The following GSE1 variants were observed in gnomAD, a reference collection of about 807,000 sequenced individuals.
GSE1 encodes genetic suppressor element 1.
A neutral mutation model predicts 112.6 loss-of-function variants in GSE1; 32 were observed. The ratio of observed to expected loss-of-function variants is 0.28; its 90% CI spans 0.21 to 0.38. The LOEUF is 0.38. Ranked by LOEUF, GSE1 falls within the 10% of genes least tolerant of loss-of-function variation. The pLI, the probability that GSE1 is intolerant of heterozygous loss-of-function variation, is 1.00. For missense variants in GSE1, 2,348 were observed against 1,699.2 expected (o/e 1.38, Z -6.71); for synonymous variants, 1,115 against 735.6 (o/e 1.52, Z -8.35).
At chr16:85,205,252 C>G (rs925547962) in intron 1 of GSE1, among the ~76,000 whole-genome samples, 3 of 152,114 alleles carry the variant, frequency 2.0e-5, no homozygotes, top group African/African-American at 7.2e-5. Context: ...CTGCCTCAAC[C>G]TCCCGAGTAG....
At chr16:85,486,133 G>C (rs905701464) in intron 2 of GSE1, among the ~76,000 whole-genome samples, 1 of 152,124 alleles carries the variant, frequency 6.6e-6, no homozygotes, top group African/African-American at 2.4e-5. Flanking sequence ...TGCAGCTTCT[G>C]TCCTCACCTC....
At chr16:85,337,790 C>T (rs908571509) in intron 1 of GSE1, among the ~76,000 whole-genome samples, 1 of 152,266 alleles carries the variant, frequency 6.6e-6, no homozygotes, top group Non-Finnish European at 1.5e-5. Flanking sequence ...GCTGCCACAC[C>T]TGGCGTCTGA....
chr16:85,640,328 T>C (rs1447176646), intron 2 of GSE1, among the ~76,000 whole-genome samples: 1 of 152,176 alleles, frequency 6.6e-6, no homozygotes, highest in Non-Finnish European at 1.5e-5. Flanking sequence ...TGTTGGCCGC[T>C]GTGTTACCTG....
chr16:85,246,237 ACGCACAC>A (rs1567635793), intron 1 of GSE1, among the ~76,000 whole-genome samples: 41 of 108,348 alleles, frequency 3.8e-4, no homozygotes, highest in African/African-American at 1.1e-3. Flanking sequence ...ACACACACAC[ACGCACAC>A]CACACGCTGT....
At chr16:85,403,083 A>T (rs990393530) in intron 2 of GSE1, among the ~76,000 whole-genome samples, 2 of 42,736 alleles carry the variant, frequency 4.7e-5, no homozygotes, top group Non-Finnish European at 2.4e-4. Flanking sequence ...GCCCTCTCCC[A>T]TGGTTGCTGG....
chr16:85,318,484 C>G (rs574877844), intron 1 of GSE1, among the ~76,000 whole-genome samples: 1 of 152,304 alleles, frequency 6.6e-6, no homozygotes, highest in South Asian at 2.1e-4. Context: ...AGGCTGGTCT[C>G]AAACTCCTGG....
At chr16:85,414,945 TTTTA>T (rs2048670354) in intron 2 of GSE1, among the ~76,000 whole-genome samples, 1 of 152,146 alleles carries the variant, frequency 6.6e-6, no homozygotes, top group African/African-American at 2.4e-5. Flanking sequence ...CTGATTTTAT[TTTTA>T]TTTATTTACT....
Position 85,388,692 on chromosome 16 carries a change from G to A in GSE1, c.2464+31049G>A, listed in dbSNP as rs769131275. On this transcript the variant is annotated intron_variant, in intron 2 of 2. Coordinates refer to the GSE1 transcript ENST00000637419. Reference sequence around the variant, plus strand: ...GATGGATGGATGGGTAGATGGGTGAGTAGATGGATGGATGGGTGGATGAGT... The same window carrying A: ...GATGGATGGATGGGTAGATGGGTGAATAGATGGATGGATGGGTGGATGAGT... 8.0e-4 allele frequency among the ~76,000 whole-genome samples: 122 copies of A among 151,610 alleles called. 1 individual carries two copies. The highest frequency in any genetic ancestry group is 1.5e-3 in the Non-Finnish European group (102 of 67,844).
intron 2 of GSE1, among the ~76,000 whole-genome samples, chr16:85,382,251 C>T (rs927722607): frequency 2.0e-5 from 3 of 152,200 alleles, no homozygotes; most frequent in Non-Finnish European, 4.4e-5. Context: ...TTCTCCAGCC[C>T]GCCCTTATCT....
chr16:85,523,599 C>T (rs931699335), intron 2 of GSE1, among the ~76,000 whole-genome samples: 17 of 152,284 alleles, frequency 1.1e-4, no homozygotes, highest in African/African-American at 4.1e-4. Context: ...TGGCCCCAGC[C>T]GTGGGGGCTG....
intron 1 of GSE1, among the ~76,000 whole-genome samples, chr16:85,217,003 C>A (rs544391877): frequency 4.0e-4 from 61 of 152,316 alleles, no homozygotes; most frequent in African/African-American, 1.3e-3. Context: ...AGGAGCGGGG[C>A]GCTGTGGTTG....
intron 2 of GSE1, among the ~76,000 whole-genome samples, chr16:85,493,094 G>T (rs369513977): frequency 6.6e-6 from 1 of 152,188 alleles, no homozygotes; most frequent in Admixed American, 6.5e-5. Flanking sequence ...CAGAGGCCTG[G>T]AGGAAGGGAG....
At chr16:85,236,585 TG>T in intron 1 of GSE1, among the ~76,000 whole-genome samples, 1 of 152,210 alleles carries the variant, frequency 6.6e-6, no homozygotes, top group East Asian at 1.9e-4. Context: ...TGCATAGGCC[TG>T]GGGGTGGGTT....
At chr16:85,508,283 T>C (rs545218388) in intron 2 of GSE1, among the ~76,000 whole-genome samples, 57 of 152,212 alleles carry the variant, frequency 3.7e-4, no homozygotes, top group Admixed American at 1.2e-3. Flanking sequence ...ATCCACCCGC[T>C]TCGGCCTCCC....
intron 1 of GSE1, chr16:85,185,227 G>T (rs1425723959): frequency 6.6e-6 from 1 of 152,266 alleles, no homozygotes; most frequent in Admixed American, 6.5e-5. Context: ...TGAGGTCTCT[G>T]AGGTTCGGAG....
intron 2 of GSE1, among the ~76,000 whole-genome samples, chr16:85,379,497 A>C (rs901172010): frequency 1.3e-5 from 2 of 152,166 alleles, no homozygotes; most frequent in Admixed American, 6.5e-5. Flanking sequence ...GGAACATAGT[A>C]GGTGCTTCCA....
chr16:85,457,206 G>C (rs2049853725), intron 2 of GSE1, among the ~76,000 whole-genome samples: 1 of 152,346 alleles, frequency 6.6e-6, no homozygotes, highest in East Asian at 1.9e-4. Flanking sequence ...AGGATGAGGA[G>C]AGTGGAAGGG....
chr16:85,391,731 T>G (rs1227969836), intron 2 of GSE1, among the ~76,000 whole-genome samples: 1 of 151,998 alleles, frequency 6.6e-6, no homozygotes, highest in Non-Finnish European at 1.5e-5. Flanking sequence ...GAATTGGGGG[T>G]GGGGACATTA....
intron 1 of GSE1, among the ~76,000 whole-genome samples, chr16:85,238,657 G>C (rs868204273): frequency 2.0e-5 from 3 of 152,178 alleles, no homozygotes; most frequent in African/African-American, 7.2e-5. Flanking sequence ...GTAGAGGAAG[G>C]CTCCAGGCGG....
Sources: gnomAD v4.1 joint callset for allele counts (sites outside exome capture counted in the v4.1 genomes callset) on GRCh38, gnomAD v4.1.1 for gene constraint, MANE v1.5 for transcripts, NCBI Gene and HGNC (gene_info 2026-07-23, HGNC 2026-07-21) for gene names.